The following NCAPG2 variants were observed in gnomAD, a reference collection of about 807,000 sequenced individuals.
The protein encoded by NCAPG2 is condensin-2 complex subunit G2.
NCAPG2 carries 53 observed loss-of-function variants against 141.1 expected under a neutral mutation model. The observed-to-expected ratio is 0.38, with a 90% CI of 0.30 to 0.47. The LOEUF is 0.47. Ranked by LOEUF, NCAPG2 falls within the 20% of genes least tolerant of loss-of-function variation. The probability of loss-of-function intolerance (pLI) is 0.99; values close to 1 mark genes in which losing one functional copy is unlikely to be tolerated. For missense variants in NCAPG2, 1,087 were observed against 1,389.0 expected (o/e 0.78, Z 3.46); for synonymous variants, 499 against 490.7 (o/e 1.02, Z -0.22).
intron 24 of NCAPG2, among the ~76,000 whole-genome samples, 183 bp downstream of exon 24, chr7:158,650,649 G>A (rs533418401): frequency 1.4e-4 from 22 of 152,268 alleles, no homozygotes; most frequent in Admixed American, 2.6e-4. Flanking sequence ...CAATAGTCAC[G>A]AGTCTAAAAT....
chr7:158,661,017 G>A (rs1434957487), intron 16 of NCAPG2, among the ~76,000 whole-genome samples: 3 of 152,304 alleles, frequency 2.0e-5, no homozygotes, highest in East Asian at 3.9e-4. Context: ...ATGGAACTGT[G>A]AGTCCATTAA....
intron 2 of NCAPG2, among the ~76,000 whole-genome samples, chr7:158,700,571 A>G (rs769147146): frequency 2.0e-4 from 31 of 152,248 alleles, no homozygotes; most frequent in Non-Finnish European, 3.8e-4. Context: ...TTTATATATT[A>G]TCTAACTAAT....
intron 15 of NCAPG2, 53 bp from the exon 16 acceptor site, chr7:158,662,420 A>G: frequency 1.4e-6 from 2 of 1,443,074 alleles, no homozygotes; most frequent in Non-Finnish European, 1.8e-6. Flanking sequence ...CAACTACTAA[A>G]AGGTAACAGC....
intron 27 of NCAPG2, among the ~76,000 whole-genome samples, chr7:158,642,899 A>C (rs1830742831): frequency 6.6e-6 from 1 of 152,156 alleles, no homozygotes. Flanking sequence ...TTCAGCTTCC[A>C]GAGTAGCTGG....
intron 27 of NCAPG2, among the ~76,000 whole-genome samples, chr7:158,639,112 ATTTTT>A (rs879522969): frequency 6.8e-6 from 1 of 146,522 alleles, no homozygotes; most frequent in East Asian, 2.0e-4. Context: ...TGGTGACTGA[ATTTTT>A]TTTTTTTTAA....
At chr7:158,704,242 G>C (rs1836010840) in intron 1 of NCAPG2, among the ~76,000 whole-genome samples, 3 of 140,170 alleles carry the variant, frequency 2.1e-5, no homozygotes, top group Admixed American at 6.9e-5. Context: ...AGGACTGAGG[G>C]GACGCTCTCT....
chr7:158,700,834 T>C (rs534069430), intron 2 of NCAPG2, among the ~76,000 whole-genome samples: 1 of 152,224 alleles, frequency 6.6e-6, no homozygotes, highest in Non-Finnish European at 1.5e-5. Context: ...GCCCCAAAGA[T>C]ACTTTCGTAT....
chr7:158,662,803 C>A (rs1386976682), intron 15 of NCAPG2, among the ~76,000 whole-genome samples: 1 of 152,156 alleles, frequency 6.6e-6, no homozygotes, highest in South Asian at 2.1e-4. Flanking sequence ...ACTCAGCCGC[C>A]AAAACCCAGC....
At chr7:158,666,920 G>T (rs532650321) in intron 13 of NCAPG2, among the ~76,000 whole-genome samples, 1 of 152,214 alleles carries the variant, frequency 6.6e-6, no homozygotes, top group East Asian at 1.9e-4. Context: ...AGAGCTGCAT[G>T]TACAAGACCC....
At position 158,701,858 on chromosome 7, in the gene NCAPG2, C is replaced by T; in HGVS notation, c.42G>A (p.Glu14=). ...CAAATTGCAAAAACTCTCCAACCAGCTCCTTAGACACGGCTTGTACAAACG... is the reference window on the plus strand; with the variant it reads ...CAAATTGCAAAAACTCTCCAACCAGTTCCTTAGACACGGCTTGTACAAACG... ...RETFVQAVSK[E]LVGEFLQFVQ... Residue 14 remains glutamate, a synonymous_variant, in exon 2 of 28, where the codon GAG becomes GAA. Coordinates refer to ENST00000356309, the MANE Select transcript of NCAPG2 (RefSeq NM_017760.7). 6.2e-7 allele frequency: 1 copy of T among 1,613,776 alleles called. No individual in the cohort carries two copies. The highest frequency in any genetic ancestry group is 8.5e-7 in the Non-Finnish European group (1 of 1,179,956).
intron 6 of NCAPG2, 69 bp downstream of exon 6, chr7:158,689,750 T>A: frequency 7.2e-7 from 1 of 1,390,008 alleles, no homozygotes; most frequent in Non-Finnish European, 9.6e-7. Context: ...ACAGGAACCA[T>A]GTGAACACAG....
chr7:158,638,080 G>A (rs961867532), intron 27 of NCAPG2, among the ~76,000 whole-genome samples: 1 of 152,140 alleles, frequency 6.6e-6, no homozygotes, highest in Non-Finnish European at 1.5e-5. Flanking sequence ...GGAGGCAAAG[G>A]TTGCAGTGAG....
intron 7 of NCAPG2, 56 bp from the exon 8 acceptor site, chr7:158,686,297 C>T (rs1834751209): frequency 9.4e-7 from 1 of 1,061,258 alleles, no homozygotes; most frequent in Non-Finnish European, 1.4e-6. Flanking sequence ...ATTCTTTCAA[C>T]ATGTATCATT....
At chr7:158,666,531 A>G (rs1832951050) in intron 13 of NCAPG2, among the ~76,000 whole-genome samples, 1 of 151,638 alleles carries the variant, frequency 6.6e-6, no homozygotes, top group African/African-American at 2.4e-5. Context: ...GTGATTAAGT[A>G]CAAGATCATA....
At chr7:158,641,879 C>CA (rs1466534663) in intron 27 of NCAPG2, among the ~76,000 whole-genome samples, 1 of 152,120 alleles carries the variant, frequency 6.6e-6, no homozygotes, top group Non-Finnish European at 1.5e-5. Context: ...TAGTTCAACC[C>CA]AAAAACATTG....
At chr7:158,645,329 G>A (rs746239454) in intron 26 of NCAPG2, among the ~76,000 whole-genome samples, 190 bp downstream of exon 26, 23 of 152,264 alleles carry the variant, frequency 1.5e-4, no homozygotes, top group Admixed American at 2.0e-4. Context: ...GATGCAGGGT[G>A]GGCTAAGGAG....
At chr7:158,695,723 C>A in intron 2 of NCAPG2, among the ~76,000 whole-genome samples, 1 of 152,322 alleles carries the variant, frequency 6.6e-6, no homozygotes, top group Middle Eastern at 3.4e-3. Flanking sequence ...TTAGCAGTGA[C>A]GGCCCAGGCC....
At position 158,664,582 on chromosome 7, in the gene NCAPG2, C is replaced by T. The variant is rs1487302820; in HGVS notation, c.1648G>A (p.Ala550Thr). 2 of 1,614,108 alleles carry T rather than the reference C, an allele frequency of 1.2e-6. No homozygotes were observed. The highest frequency in any genetic ancestry group is 1.7e-5 in the Admixed American group (1 of 60,016). The change falls in exon 14 of 28, where the codon GCT (alanine) becomes ACT (threonine). Residue 550 changes from alanine to threonine, a missense_variant. Coordinates refer to ENST00000356309, the MANE Select transcript of NCAPG2 (RefSeq NM_017760.7). ...GCGTACTGATAGAACCTCCTGGCAG[C>T]GGCGTGGTTCATCTGCACCAGGGTG... ...CVTLVQMNHA[A>T]ARRFYQYAHE...
chr7:158,668,425 AAG>A (rs1322504401), intron 13 of NCAPG2: 5 of 984,480 alleles, frequency 5.1e-6, no homozygotes, highest in Admixed American at 6.2e-5. Flanking sequence ...TGTTTTACTG[AAG>A]AGTTATTCTT....
Sources: allele counts gnomAD v4.1 joint callset (sites outside exome capture counted in the v4.1 genomes callset), GRCh38; gene constraint gnomAD v4.1.1; transcripts MANE v1.5; gene names NCBI Gene and HGNC (gene_info 2026-07-23, HGNC 2026-07-21).